Variants in RPTOR observed in about 807,000 individuals in gnomAD.
The protein encoded by RPTOR is regulatory associated protein of MTOR complex 1, also known as regulatory-associated protein of mTOR.
In RPTOR, 21 loss-of-function variants were observed where a neutral mutation model predicts 169.9. The ratio of observed to expected loss-of-function variants is 0.12; its 90% CI spans 0.09 to 0.18. The LOEUF is 0.18. Among genes scored for constraint, RPTOR ranks in the 10% least tolerant of loss-of-function variants. RPTOR has a pLI of 1.00. For synonymous variants in RPTOR, 732 were observed against 753.2 expected, an observed-to-expected ratio of 0.97 and a Z score of 0.46; for missense variants, 1,133 against 1,855.9, an observed-to-expected ratio of 0.61 and a Z score of 7.16.
At chr17:80,872,191 A>G (rs995326554) in intron 13 of RPTOR, among the ~76,000 whole-genome samples, 2 of 152,082 alleles carry the variant, frequency 1.3e-5, no homozygotes, top group Admixed American at 6.5e-5. Flanking sequence ...TTGTGAAGCC[A>G]GCATCTTTCA....
At chr17:80,932,968 A>G (rs961263562) in intron 24 of RPTOR, among the ~76,000 whole-genome samples, 2 of 152,386 alleles carry the variant, frequency 1.3e-5, no homozygotes, top group Admixed American at 6.5e-5. Flanking sequence ...CTCATTAGAA[A>G]CTGTGTAAGA....
chr17:80,777,811 GACTTTTGGATCTATTTTTA>G (rs2066906200), intron 6 of RPTOR, among the ~76,000 whole-genome samples: 1 of 152,158 alleles, frequency 6.6e-6, no homozygotes, highest in Non-Finnish European at 1.5e-5. Context: ...GCATAGCTTG[GACTTTTGGATCTATTTTTA>G]ACTTTGAGAA....
At chr17:80,755,737 T>TAA (rs1373214182) in intron 6 of RPTOR, among the ~76,000 whole-genome samples, 1 of 71,356 alleles carries the variant, frequency 1.4e-5, no homozygotes, top group Non-Finnish European at 2.7e-5. Context: ...AGACCCTGTC[T>TAA]CAAAAAAAAA....
At chr17:80,626,777 AT>A in intron 2 of RPTOR, among the ~76,000 whole-genome samples, 1 of 4,362 alleles carries the variant, frequency 2.3e-4, no homozygotes, top group East Asian at 1.5e-3. Context: ...CATTCTAGGA[AT>A]TATTATTATT....
intron 11 of RPTOR, among the ~76,000 whole-genome samples, chr17:80,849,129 C>A (rs2067765146): frequency 6.6e-6 from 1 of 152,232 alleles, no homozygotes. Flanking sequence ...TTCTCGTTAA[C>A]TCGGCTCACT....
intron 33 of RPTOR, 30 bp from the exon 34 acceptor site, chr17:80,964,232 C>A: frequency 1.3e-6 from 2 of 1,520,240 alleles, no homozygotes; most frequent in Non-Finnish European, 1.8e-6. Context: ...CGCACCTGAA[C>A]CCCTGCTCAC....
At chr17:80,919,972 A>G (rs1262723550) in intron 21 of RPTOR, among the ~76,000 whole-genome samples, 1 of 152,188 alleles carries the variant, frequency 6.6e-6, no homozygotes, top group African/African-American at 2.4e-5. Flanking sequence ...GCCTGGGCCC[A>G]CAGAGGCTGT....
intron 17 of RPTOR, among the ~76,000 whole-genome samples, chr17:80,888,533 G>C (rs1228498241): frequency 2.0e-5 from 3 of 152,212 alleles, no homozygotes; most frequent in Non-Finnish European, 4.4e-5. Flanking sequence ...TGGGCAAGGG[G>C]TAGAGGCGAG....
intron 1 of RPTOR, among the ~76,000 whole-genome samples, chr17:80,622,678 G>A (rs757251445): frequency 1.2e-4 from 18 of 152,182 alleles, no homozygotes; most frequent in Non-Finnish European, 1.5e-4. Flanking sequence ...TGGGCTGGTG[G>A]ATCGCTTGAA....
At chr17:80,829,814 T>C (rs1455011564) in intron 9 of RPTOR, among the ~76,000 whole-genome samples, 1 of 152,230 alleles carries the variant, frequency 6.6e-6, no homozygotes, top group Admixed American at 6.5e-5. Context: ...CTTGTCTTTC[T>C]ATGCTGGGAA....
At position 80,863,745 on chromosome 17, in the gene RPTOR, C is replaced by T. The variant is rs542741240; in HGVS notation, c.1509+5845C>T. ...CAGCCTGAGCAACATGGTGAAACCT[C>T]GACTCCACATGAAAAAATACAAAAC... On this transcript the variant is annotated intron_variant, in intron 13 of 33. Coordinates refer to ENST00000306801, the MANE Select transcript of RPTOR (RefSeq NM_020761.3). Among the ~76,000 whole-genome samples the T allele has an allele frequency of 7.7e-4, 117 of 152,192 alleles. No homozygotes were observed. In the South Asian group the frequency reaches 9.3e-3, roughly 12 times the overall value.
At chr17:80,756,147 T>G (rs1442466901) in intron 6 of RPTOR, among the ~76,000 whole-genome samples, 2 of 152,210 alleles carry the variant, frequency 1.3e-5, no homozygotes, top group Non-Finnish European at 2.9e-5. Context: ...GGCTCTGCCC[T>G]CACATTTAGG....
intron 6 of RPTOR, among the ~76,000 whole-genome samples, chr17:80,761,970 G>A (rs1248296435): frequency 6.6e-6 from 1 of 152,148 alleles, no homozygotes; most frequent in East Asian, 1.9e-4. Context: ...TGGAGAAACG[G>A]CTTTATGACG....
In RPTOR at chr17:80,625,777, C is replaced by T. The variant is rs146510230; in HGVS notation, c.249C>T (p.Arg83=). The part of the protein sequence containing the change: ...PDVVKTTPCA[R]LECWIDPLSM... The stretch of plus-strand genomic sequence containing the variant: ...TGGTGAAGACCACGCCCTGTGCACG[C>T]TTGGAATGCTGGATCGGTGAGTATG... Residue 83 remains arginine (R), a synonymous_variant, in exon 2 of 34, where the codon CGC becomes CGT. Transcript: ENST00000306801. The T allele has an allele frequency of 8.1e-6, 13 of 1,611,240 alleles. No homozygotes were observed. Among genetic ancestry groups the T allele is most frequent in the Non-Finnish European group, 1.1e-5 (13 of 1,178,358 alleles).
At chr17:80,815,052 G>A (rs1429665645) in intron 7 of RPTOR, among the ~76,000 whole-genome samples, 1 of 152,250 alleles carries the variant, frequency 6.6e-6, no homozygotes, top group Non-Finnish European at 1.5e-5. Flanking sequence ...TGTATTTGGT[G>A]AAATAGAAAG....
chr17:80,846,672 T>C (rs1350440907), intron 11 of RPTOR, 98 bp downstream of exon 11: 28 of 978,980 alleles, frequency 2.9e-5, no homozygotes, highest in Non-Finnish European at 4.3e-5. Context: ...CCCTGAGCCC[T>C]GTGGGTCTGT....
chr17:80,668,345 C>G (rs1242917886), intron 3 of RPTOR, among the ~76,000 whole-genome samples: 1 of 152,118 alleles, frequency 6.6e-6, no homozygotes, highest in African/African-American at 2.4e-5. Flanking sequence ...CATCATGTTC[C>G]TAGGCTGGCA....
intron 1 of RPTOR, among the ~76,000 whole-genome samples, chr17:80,571,401 C>G (rs2143309863): frequency 6.6e-6 from 1 of 152,270 alleles, no homozygotes; most frequent in Non-Finnish European, 1.5e-5. Flanking sequence ...GTGCCCCCAG[C>G]CCAGTCAAGA....
intron 5 of RPTOR, among the ~76,000 whole-genome samples, chr17:80,753,168 A>T (rs2066645763): frequency 6.6e-6 from 1 of 152,166 alleles, no homozygotes; most frequent in African/African-American, 2.4e-5. Flanking sequence ...CCACTCGGGG[A>T]TGAGTGCTCG....
Sources: allele counts gnomAD v4.1 joint callset (sites outside exome capture counted in the v4.1 genomes callset), GRCh38; gene constraint gnomAD v4.1.1; transcripts MANE v1.5; gene names NCBI Gene and HGNC (gene_info 2026-07-23, HGNC 2026-07-21).